The following PLCB1 variants were observed in gnomAD, a reference collection of about 807,000 sequenced individuals.
PLCB1 encodes the protein phospholipase C beta 1, also known as 1-phosphatidylinositol 4,5-bisphosphate phosphodiesterase beta-1.
A neutral mutation model predicts 161.8 loss-of-function variants in PLCB1; 46 were observed. That is an observed-to-expected ratio of 0.28 (90% CI 0.22 to 0.36). The LOEUF is 0.36. Among genes scored for constraint, PLCB1 ranks in the 10% least tolerant of loss-of-function variants. The pLI, the probability that PLCB1 is intolerant of heterozygous loss-of-function variation, is 1.00. For synonymous variants in PLCB1, 517 were observed against 503.7 expected (o/e 1.03, Z -0.35); for missense variants, 1,016 against 1,472.5 (o/e 0.69, Z 5.07).
chr20:8,198,643 C>T (rs925369803), intron 2 of PLCB1, among the ~76,000 whole-genome samples: 5 of 151,882 alleles, frequency 3.3e-5, no homozygotes, highest in African/African-American at 7.3e-5. Flanking sequence ...TCCCACAGAC[C>T]GTATTTCTTT....
chr20:8,546,147 T>G (rs1985534891), intron 3 of PLCB1, among the ~76,000 whole-genome samples: 1 of 150,676 alleles, frequency 6.6e-6, no homozygotes, highest in Non-Finnish European at 1.5e-5. Context: ...AAACCCCGTC[T>G]CTAATAAAAA....
intron 1 of PLCB1, 45 bp from the exon 2 acceptor site, chr20:8,150,249 T>C (rs781183031): frequency 2.4e-6 from 2 of 817,144 alleles, no homozygotes; most frequent in South Asian, 1.7e-5. Flanking sequence ...TAGATTTTTC[T>C]ACAGTGATAT....
At chr20:8,282,845 A>G (rs1011320909) in intron 2 of PLCB1, among the ~76,000 whole-genome samples, 2 of 152,188 alleles carry the variant, frequency 1.3e-5, no homozygotes, top group Non-Finnish European at 2.9e-5. Flanking sequence ...GGATCATGGT[A>G]GGACTTTTGG....
At chr20:8,219,391 C>T (rs1979296239) in intron 2 of PLCB1, among the ~76,000 whole-genome samples, 1 of 152,142 alleles carries the variant, frequency 6.6e-6, no homozygotes, top group South Asian at 2.1e-4. Context: ...AGAACTTCTG[C>T]TACAAGCAAA....
rs1981788777 is a variant in PLCB1 at position 8,757,286 on chromosome 20, GAT to G, written c.2656+109_2656+110del. ...GTAGCTAAAGCATCAAGTGGGGAAA[GAT>G]GTGTGGACTTAGGAGGAGCTCCGTC... On this transcript the variant is annotated intron_variant, in intron 24 of 31. Transcript: ENST00000338037. 3.3e-6 allele frequency: 4 copies of G among 1,201,112 alleles called. No individual in the cohort carries two copies. In the South Asian group the frequency reaches 7.7e-5, roughly 23 times the overall value. 74.4% of individuals were successfully genotyped at this position (1,201,112 alleles called of 1,614,324 possible). A position where few individuals can be genotyped will look rare whatever the true frequency, so the allele number is the denominator to read the frequency against.
intron 3 of PLCB1, among the ~76,000 whole-genome samples, chr20:8,457,135 C>G (rs994197744): frequency 3.3e-5 from 5 of 152,160 alleles, no homozygotes; most frequent in Non-Finnish European, 7.3e-5. Flanking sequence ...AAAGGGCTAC[C>G]TAATGAGGCC....
chr20:8,198,042 A>G (rs1018667088), intron 2 of PLCB1, among the ~76,000 whole-genome samples: 1 of 152,122 alleles, frequency 6.6e-6, no homozygotes, highest in African/African-American at 2.4e-5. Flanking sequence ...TAAGAGTACC[A>G]TGCTGTTTTG....
At chr20:8,668,822 C>T (rs61354148) in intron 9 of PLCB1, among the ~76,000 whole-genome samples, 9,605 of 152,242 alleles carry the variant, frequency 0.063, 396 homozygotes, top group East Asian at 0.17. Flanking sequence ...ATATTATTAC[C>T]AGCAAAACAC....
chr20:8,433,644 G>T (rs868662272), intron 3 of PLCB1, among the ~76,000 whole-genome samples: 2 of 146,810 alleles, frequency 1.4e-5, no homozygotes, highest in Admixed American at 6.7e-5. Context: ...ATTTATAACG[G>T]ACATAAAAGG....
At chr20:8,579,607 T>A (rs2123073955) in intron 3 of PLCB1, among the ~76,000 whole-genome samples, 1 of 152,318 alleles carries the variant, frequency 6.6e-6, no homozygotes, top group African/African-American at 2.4e-5. Flanking sequence ...GGACAATGAC[T>A]AGAAAGACTT....
chr20:8,702,560 T>C (rs905407916), intron 11 of PLCB1, among the ~76,000 whole-genome samples: 2 of 152,178 alleles, frequency 1.3e-5, no homozygotes, highest in Admixed American at 1.3e-4. Context: ...AATGCACATA[T>C]AAAATGGATA....
At chr20:8,231,801 A>C (rs1980055038) in intron 2 of PLCB1, among the ~76,000 whole-genome samples, 1 of 152,150 alleles carries the variant, frequency 6.6e-6, no homozygotes, top group African/African-American at 2.4e-5. Flanking sequence ...TCCACAGTAG[A>C]GGGATAGACA....
chr20:8,825,836 TGAC>T (rs1039273389), intron 31 of PLCB1, among the ~76,000 whole-genome samples: 26 of 152,172 alleles, frequency 1.7e-4, no homozygotes, highest in Admixed American at 1.6e-3. Flanking sequence ...AGTCGGTTTA[TGAC>T]AGTGGTGATG....
chr20:8,489,309 G>A (rs1031810669), intron 3 of PLCB1, among the ~76,000 whole-genome samples: 1 of 152,162 alleles, frequency 6.6e-6, no homozygotes, highest in Non-Finnish European at 1.5e-5. Flanking sequence ...GCAGTGAAAA[G>A]AGCAAAGTGC....
chr20:8,541,488 C>T (rs1194217934), intron 3 of PLCB1, among the ~76,000 whole-genome samples: 3 of 151,456 alleles, frequency 2.0e-5, no homozygotes, highest in Non-Finnish European at 4.4e-5. Context: ...TTCTCCAAAT[C>T]TCACAAACAG....
chr20:8,290,358 G>A (rs541454967), intron 2 of PLCB1, among the ~76,000 whole-genome samples: 39 of 152,298 alleles, frequency 2.6e-4, no homozygotes, highest in Non-Finnish European at 1.2e-4. Flanking sequence ...GAGACAGGGA[G>A]AGGAGGAAGC....
intron 3 of PLCB1, among the ~76,000 whole-genome samples, chr20:8,607,517 G>T (rs1328381824): frequency 6.6e-6 from 1 of 152,118 alleles, no homozygotes; most frequent in Non-Finnish European, 1.5e-5. Context: ...CTGTGTTCCT[G>T]GAGCAAGCCA....
intron 3 of PLCB1, among the ~76,000 whole-genome samples, chr20:8,558,789 T>A (rs1400224368): frequency 6.6e-6 from 1 of 151,764 alleles, no homozygotes; most frequent in Non-Finnish European, 1.5e-5. Context: ...ATATTTAAAA[T>A]GCCAAAACAG....
At chr20:8,195,199 G>A (rs2052008581) in intron 2 of PLCB1, among the ~76,000 whole-genome samples, 1 of 151,980 alleles carries the variant, frequency 6.6e-6, no homozygotes, top group Non-Finnish European at 1.5e-5. Context: ...GGAAAATAAG[G>A]AAGAAACCAT....
Sources: allele counts gnomAD v4.1 joint callset (sites outside exome capture counted in the v4.1 genomes callset), GRCh38; gene constraint gnomAD v4.1.1; transcripts MANE v1.5; gene names NCBI Gene and HGNC (gene_info 2026-07-23, HGNC 2026-07-21).